SESN3: variants seen among roughly 807,000 people sequenced by gnomAD.
SESN3 encodes sestrin 3, also known as sestrin-3.
In SESN3, 21 loss-of-function variants were observed where a neutral mutation model predicts 55.3. The observed-to-expected ratio is 0.38, with a 90% CI of 0.27 to 0.55. The LOEUF (loss-of-function observed/expected upper bound fraction) is 0.55, where lower values mean the gene tolerates loss of function less well. Among genes scored for constraint, SESN3 ranks in the 20% least tolerant of loss-of-function variants. The probability of loss-of-function intolerance (pLI) is 0.76; values close to 1 mark genes in which losing one functional copy is unlikely to be tolerated. For synonymous variants in SESN3, 181 were observed against 203.1 expected (o/e 0.89, Z 0.93); for missense variants, 408 against 604.3 (o/e 0.68, Z 3.41).
intron 1 of SESN3, among the ~76,000 whole-genome samples, chr11:95,210,613 C>CATCA (rs955109464): frequency 8.5e-5 from 13 of 152,138 alleles, no homozygotes; most frequent in African/African-American, 3.1e-4. Flanking sequence ...TTCCCTAATA[C>CATCA]ATCAATTAAA....
chr11:95,200,625 A>T (rs1003813545), intron 1 of SESN3, among the ~76,000 whole-genome samples: 6 of 151,964 alleles, frequency 3.9e-5, no homozygotes, highest in Non-Finnish European at 8.8e-5. Context: ...AGCACTCAAA[A>T]TTCTCCTTCA....
chr11:95,200,475 A>G (rs1860441499), intron 1 of SESN3, among the ~76,000 whole-genome samples: 1 of 152,096 alleles, frequency 6.6e-6, no homozygotes, highest in African/African-American at 2.4e-5. Context: ...GAAAATGGCA[A>G]TGGCACCAGG....
intron 1 of SESN3, among the ~76,000 whole-genome samples, chr11:95,217,746 G>A (rs10501823): frequency 0.28 from 41,807 of 151,384 alleles, 6,214 homozygotes; most frequent in Non-Finnish European, 0.32. Context: ...CACTAGTTAT[G>A]TCATGGCTTG....
chr11:95,229,679 TA>T (rs200109916), intron 1 of SESN3, among the ~76,000 whole-genome samples: 3 of 151,576 alleles, frequency 2.0e-5, no homozygotes, highest in Non-Finnish European at 4.4e-5. Context: ...CTTCCTTTTT[TA>T]AAAAAAAATG....
chr11:95,223,021 A>G (rs1280434856), intron 1 of SESN3, among the ~76,000 whole-genome samples: 1 of 152,190 alleles, frequency 6.6e-6, no homozygotes, highest in African/African-American at 2.4e-5. Flanking sequence ...AGTTAGATAC[A>G]GCTAGTCACT....
intron 1 of SESN3, chr11:95,201,233 T>C (rs1349575309): frequency 6.6e-6 from 1 of 152,028 alleles, no homozygotes; most frequent in African/African-American, 2.4e-5. Context: ...CTACACAAGC[T>C]CACCTAGTGA....
chr11:95,184,291 T>TA (rs919873343), intron 6 of SESN3, 129 bp downstream of exon 6: 1 of 731,970 alleles, frequency 1.4e-6, no homozygotes, highest in African/African-American at 1.8e-5. Context: ...GAGGGTAAGA[T>TA]AGAAGAGGAG....
chr11:95,194,777 C>T (rs1860330248), intron 1 of SESN3, among the ~76,000 whole-genome samples: 2 of 151,982 alleles, frequency 1.3e-5, no homozygotes, highest in Admixed American at 1.3e-4. Flanking sequence ...AGGAAAATAA[C>T]AGGTTTCTTC....
chr11:95,223,870 T>C (rs1292890999), intron 1 of SESN3, among the ~76,000 whole-genome samples: 2 of 152,192 alleles, frequency 1.3e-5, no homozygotes, highest in Admixed American at 6.5e-5. Flanking sequence ...CCTTTGTTTA[T>C]GTGTGGGTTA....
chr11:95,179,414 G>A (rs1257129135), intron 6 of SESN3, among the ~76,000 whole-genome samples: 5 of 152,098 alleles, frequency 3.3e-5, no homozygotes, highest in African/African-American at 1.2e-4. Flanking sequence ...TTGGCCTCCC[G>A]AAGTGCAGCT....
chr11:95,193,652 G>A, intron 1 of SESN3, 130 bp from the exon 2 acceptor site: 1 of 602,176 alleles, frequency 1.7e-6, no homozygotes, highest in Non-Finnish European at 2.9e-6. Flanking sequence ...CAGAGTAAGT[G>A]TTGGGTTTCA....
At chr11:95,211,002 A>AGAT (rs990379641) in intron 1 of SESN3, among the ~76,000 whole-genome samples, 1 of 152,238 alleles carries the variant, frequency 6.6e-6, no homozygotes, top group African/African-American at 2.4e-5. Flanking sequence ...TCAGAGAAAA[A>AGAT]GATACCCAGT....
Position 95,200,918 on chromosome 11 carries a change from C to T in SESN3, c.79-7396G>A, listed in dbSNP as rs1045529757. The stretch of plus-strand genomic sequence containing the variant: ...TTATAGCAATTTCTTTACCTCCTCT[C>T]TCTCTACTGAATCATCAGTTCTTTG... On this transcript the variant is annotated intron_variant, in intron 1 of 9. Coordinates refer to ENST00000536441, the MANE Select transcript of SESN3 (RefSeq NM_144665.4). 2.0e-5 allele frequency: 3 copies of T among 152,064 alleles called. No homozygotes were observed. In the South Asian group the frequency reaches 6.2e-4, roughly 31 times the overall value. The allele number at this position is 152,064 out of a possible 1,614,324, so 9.4% of individuals were successfully genotyped here.
At chr11:95,174,611 G>A (rs982805205) in intron 9 of SESN3, among the ~76,000 whole-genome samples, 2 of 152,056 alleles carry the variant, frequency 1.3e-5, no homozygotes, top group African/African-American at 4.8e-5. Flanking sequence ...AGATTCCCAA[G>A]TAGCTGGGAC....
intron 1 of SESN3, among the ~76,000 whole-genome samples, chr11:95,220,746 T>TA (rs2134266496): frequency 6.6e-6 from 1 of 152,320 alleles, no homozygotes; most frequent in South Asian, 2.1e-4. Flanking sequence ...AGGCAGTGTT[T>TA]ATACCTGCAT....
intron 6 of SESN3, among the ~76,000 whole-genome samples, chr11:95,180,704 G>A (rs923216385): frequency 2.6e-5 from 4 of 151,556 alleles, no homozygotes; most frequent in Non-Finnish European, 5.9e-5. Flanking sequence ...AGTATAAGAT[G>A]ATGTGAAAAA....
chr11:95,191,322 C>T, intron 3 of SESN3, 82 bp downstream of exon 3: 2 of 1,076,358 alleles, frequency 1.9e-6, no homozygotes, highest in South Asian at 2.6e-5. Context: ...TCTATACACA[C>T]ACAAGGACAC....
At position 95,168,221 on chromosome 11, in the gene SESN3, C is replaced by T. The variant is rs2134202439; in HGVS notation, c.*5034G>A. 1 of 152,238 alleles carries T rather than the reference C, an allele frequency of 6.6e-6. No homozygotes were observed. The highest frequency in any genetic ancestry group is 3.4e-3 in the Middle Eastern group (1 of 294). 9.4% of individuals were successfully genotyped at this position (152,238 alleles called of 1,614,324 possible). ...ACCCTATTTGCATACCAGAAATTTC[C>T]CATTCCACTGAAGGGTTACAAGTCA... On this transcript the variant is annotated 3_prime_UTR_variant, in exon 10 of 10. Coordinates refer to ENST00000536441, the MANE Select transcript of SESN3 (RefSeq NM_144665.4).
intron 8 of SESN3, among the ~76,000 whole-genome samples, chr11:95,176,572 G>A (rs1859960144): frequency 6.6e-6 from 1 of 152,196 alleles, no homozygotes; most frequent in African/African-American, 2.4e-5. Context: ...GGGCACAGAT[G>A]TAGACAGGTA....
Sources: allele counts gnomAD v4.1 joint callset (sites outside exome capture counted in the v4.1 genomes callset), GRCh38; gene constraint gnomAD v4.1.1; transcripts MANE v1.5; gene names NCBI Gene and HGNC (gene_info 2026-07-23, HGNC 2026-07-21).